Variants in DOCK4 observed in about 807,000 individuals in gnomAD.
DOCK4 encodes dedicator of cytokinesis protein 4.
In DOCK4, 97 loss-of-function variants were observed where a neutral mutation model predicts 268.1. That is an observed-to-expected ratio of 0.36 (90% confidence interval 0.31 to 0.43). The LOEUF is 0.43. Among genes scored for constraint, DOCK4 ranks in the 20% least tolerant of loss-of-function variants. The pLI, the probability that DOCK4 is intolerant of heterozygous loss-of-function variation, is 1.00. For missense variants in DOCK4, 2,145 were observed against 2,455.7 expected (o/e 0.87, Z 2.67); for synonymous variants, 954 against 887.2 (o/e 1.08, Z -1.34).
intron 30 of DOCK4, among the ~76,000 whole-genome samples, chr7:111,797,107 A>C (rs1395822945): frequency 6.6e-6 from 1 of 152,192 alleles, no homozygotes; most frequent in Non-Finnish European, 1.5e-5. Context: ...GCACTCTAAA[A>C]CACCAGAACT....
Position 111,854,104 on chromosome 7 carries a change from T to C in DOCK4, c.2474-6978A>G, listed in dbSNP as rs1804811030. ...GTCCACTGCACCTGGCTAATTTTTA[T>C]ATTTTTAGTAAGGGAGGAGACCACC... On this transcript the variant is annotated intron_variant, in intron 23 of 52. Coordinates refer to ENST00000428084, the MANE Select transcript of DOCK4 (RefSeq NM_001363540.2). Among the ~76,000 whole-genome samples, 3 of 152,034 alleles carry C rather than the reference T, an allele frequency of 2.0e-5. No individual in the cohort carries two copies. The South Asian group carries it at 6.2e-4, about 32-fold the overall frequency.
At chr7:111,935,765 CTG>C (rs1290715009) in intron 11 of DOCK4, 137 bp from the exon 12 acceptor site, 37 of 704,714 alleles carry the variant, frequency 5.3e-5, no homozygotes, top group Non-Finnish European at 8.8e-5. Flanking sequence ...CTGCAACTGA[CTG>C]TCAGTTTTAG....
At chr7:111,854,906 T>C (rs1368658825) in intron 23 of DOCK4, among the ~76,000 whole-genome samples, 1 of 152,240 alleles carries the variant, frequency 6.6e-6, no homozygotes, top group Non-Finnish European at 1.5e-5. Context: ...ATTCTCTATT[T>C]CATTATAATT....
intron 1 of DOCK4, among the ~76,000 whole-genome samples, chr7:112,112,249 ACATAGCATCT>A (rs1405862548): frequency 4.6e-5 from 7 of 152,168 alleles, no homozygotes; most frequent in African/African-American, 1.7e-4. Context: ...GATCAAAGGA[ACATAGCATCT>A]CTTTTGCTCC....
rs1213299791 is a variant in DOCK4, at chr7:111,900,505, G to A, written c.1349C>T (p.Pro450Leu). 1.2e-6 allele frequency: 2 copies of A among 1,612,550 alleles called. No homozygotes were observed. Among genetic ancestry groups the A allele is most frequent in the Admixed American group, 1.7e-5 (1 of 59,876 alleles). The change falls in exon 15 of 53, where the codon CCA becomes CTA. Residue 450 changes from proline (P) to leucine (L), a missense_variant. This residue lies in a region of DOCK4 where 1,598 missense variants were observed against 1,986.7 expected (regional missense o/e 0.80). Transcript: ENST00000428084. The stretch of plus-strand genomic sequence containing the variant: ...CACAAAGGAGTGGTACTCACTGGCT[G>A]GTGGCTCCCCAGAGCCGAAGGAGAT... ...DFISFGSGEPPASEYHSFVLY... is the reference protein window; with the variant it reads ...DFISFGSGEPLASEYHSFVLY...
chr7:111,986,784 A>T (rs1799086314), intron 6 of DOCK4, among the ~76,000 whole-genome samples: 1 of 152,216 alleles, frequency 6.6e-6, no homozygotes, highest in Non-Finnish European at 1.5e-5. Flanking sequence ...TGGCCCTGTT[A>T]GGAAATGAGA....
Position 111,863,329 on chromosome 7 carries a change from T to C in DOCK4, c.2473+43A>G, listed in dbSNP as rs1805707046. 3 of 1,609,026 alleles carry C rather than the reference T, an allele frequency of 1.9e-6. No homozygotes were observed. The East Asian group carries it at 6.7e-5, about 36-fold the overall frequency. Reference sequence around the variant, plus strand: ...ACCAATGGCTACAAAATATACAAAATGGCTTTTCAGAGGCACAATTTCCTC... The same window carrying C: ...ACCAATGGCTACAAAATATACAAAACGGCTTTTCAGAGGCACAATTTCCTC... On this transcript the variant is annotated intron_variant, in intron 23 of 52. Coordinates refer to ENST00000428084, the MANE Select transcript of DOCK4 (RefSeq NM_001363540.2).
rs577010253 is a variant in DOCK4 at position 111,975,337 on chromosome 7, T to A, written c.701+1795A>T. On this transcript the variant is annotated intron_variant, in intron 8 of 52. Coordinates refer to ENST00000428084, the MANE Select transcript of DOCK4 (RefSeq NM_001363540.2). ...AAAGAATAACTTCAGTTCTTCCTTT[T>A]ACATTCCATATAGTTTATAAAGCAT... Among the ~76,000 whole-genome samples the A allele has an allele frequency of 7.9e-5, 12 of 152,326 alleles. No individual in the cohort carries two copies. In the South Asian group the frequency reaches 2.5e-3, roughly 32 times the overall value.
intron 1 of DOCK4, among the ~76,000 whole-genome samples, chr7:112,166,689 G>A (rs368820132): frequency 3.1e-4 from 47 of 152,288 alleles, no homozygotes; most frequent in African/African-American, 1.1e-3. Flanking sequence ...GCCTGACCTC[G>A]TTGGGCTGTA....
chr7:112,202,117 C>G lies in DOCK4; in HGVS notation c.37+3985G>C, dbSNP rs1322256527. On this transcript the variant is annotated intron_variant, in intron 1 of 52. Coordinates refer to ENST00000428084, the MANE Select transcript of DOCK4 (RefSeq NM_001363540.2). Reference sequence around the variant, plus strand: ...ATGGACACTTAGGTTGCTTTCATATCTCAGACATTTTGAGAACTGCTTCAA... The same window carrying G: ...ATGGACACTTAGGTTGCTTTCATATGTCAGACATTTTGAGAACTGCTTCAA... 3.3e-5 allele frequency among the ~76,000 whole-genome samples: 5 copies of G among 152,308 alleles called. No homozygotes were observed. The South Asian group carries it at 8.3e-4, about 25-fold the overall frequency.
At chr7:111,898,852 T>C (rs1312411727) in intron 15 of DOCK4, among the ~76,000 whole-genome samples, 2 of 152,158 alleles carry the variant, frequency 1.3e-5, no homozygotes, top group African/African-American at 4.8e-5. Context: ...ATCCAATAGA[T>C]TTTACTGAAA....
At chr7:112,117,437 C>G (rs543348407) in intron 1 of DOCK4, among the ~76,000 whole-genome samples, 1 of 152,260 alleles carries the variant, frequency 6.6e-6, no homozygotes, top group East Asian at 1.9e-4. Flanking sequence ...GTGATGTGGT[C>G]TCAGCTCACT....
chr7:111,962,824 A>T (rs1797035867), intron 8 of DOCK4, among the ~76,000 whole-genome samples: 1 of 152,198 alleles, frequency 6.6e-6, no homozygotes, highest in African/African-American at 2.4e-5. Flanking sequence ...AAAGTATGTG[A>T]ATAAGTTACA....
At chr7:112,008,486 G>A (rs575371796) in intron 1 of DOCK4, among the ~76,000 whole-genome samples, 5 of 152,190 alleles carry the variant, frequency 3.3e-5, no homozygotes, top group Non-Finnish European at 5.9e-5. Flanking sequence ...TTAAATAGCC[G>A]TGAGAAACAG....
At chr7:112,201,137 T>A (rs542708115) in intron 1 of DOCK4, among the ~76,000 whole-genome samples, 7 of 152,306 alleles carry the variant, frequency 4.6e-5, no homozygotes, top group African/African-American at 1.7e-4. Context: ...ACATCCTTAT[T>A]ACGCTCTATC....
At chr7:112,204,436 C>A (rs976777167) in intron 1 of DOCK4, among the ~76,000 whole-genome samples, 1 of 152,182 alleles carries the variant, frequency 6.6e-6, no homozygotes, top group South Asian at 2.1e-4. Context: ...ACCAGTCCAG[C>A]AAAGGGACTA....
chr7:111,788,056 A>T (rs542531809), intron 32 of DOCK4, among the ~76,000 whole-genome samples: 1 of 152,344 alleles, frequency 6.6e-6, no homozygotes, highest in Middle Eastern at 3.4e-3. Flanking sequence ...TTCTATGGGT[A>T]GGGCAACCTT....
Position 111,915,822 on chromosome 7 carries a change from T to C in DOCK4, c.1149A>G (p.Val383=), listed in dbSNP as rs1453745548. 2 of 1,613,030 alleles carry C rather than the reference T, an allele frequency of 1.2e-6. No homozygotes were observed. Among genetic ancestry groups the C allele is most frequent in the South Asian group, 2.2e-5 (2 of 90,772 alleles). Residue 383 remains valine, a synonymous_variant, in exon 13 of 53, where the codon GTA becomes GTG. Transcript: ENST00000428084. The stretch of plus-strand genomic sequence containing the variant: ...AAAATCCCAGCTTCCTTGTTATGGA[T>C]ACTCCATGAGAAAATACTGATGAAT... ...REYSSVFSHG[V]SITRKLGFSN... is the part of the protein sequence containing the mutation.
chr7:111,827,971 T>C (rs1802529728), intron 26 of DOCK4, among the ~76,000 whole-genome samples: 1 of 152,150 alleles, frequency 6.6e-6, no homozygotes, highest in African/African-American at 2.4e-5. Context: ...TCATGTATAA[T>C]CTTGTGCTTA....
Sources: allele counts gnomAD v4.1 joint callset (sites outside exome capture counted in the v4.1 genomes callset), GRCh38; gene constraint gnomAD v4.1.1; regional missense constraint gnomAD v4.1.1; transcripts MANE v1.5; gene names NCBI Gene and HGNC (gene_info 2026-07-23, HGNC 2026-07-21).